Variants in GPC6 observed in about 807,000 individuals in gnomAD.
GPC6 encodes the protein glypican 6, also known as glypican-6.
Under a neutral mutation model 55.2 loss-of-function variants are expected in GPC6, and 14 were observed. That is an observed-to-expected ratio of 0.25 (90% CI 0.17 to 0.40). The LOEUF is 0.40. GPC6 is among the 10% of genes least tolerant of loss of function. GPC6 has a pLI of 1.00. For missense variants in GPC6, 641 were observed against 708.5 expected (o/e 0.90, Z 1.08); for synonymous variants, 278 against 259.6 (o/e 1.07, Z -0.68).
At chr13:94,029,506 A>C (rs990679122) in intron 4 of GPC6, among the ~76,000 whole-genome samples, 1 of 152,220 alleles carries the variant, frequency 6.6e-6, no homozygotes, top group African/African-American at 2.4e-5. Context: ...TACCCAACTA[A>C]TGCTGATAAA....
intron 2 of GPC6, among the ~76,000 whole-genome samples, chr13:93,668,587 G>T (rs9516267): frequency 0.26 from 38,957 of 151,988 alleles, 5,590 homozygotes; most frequent in East Asian, 0.47. Flanking sequence ...CTAAGAGACA[G>T]AAGAAGAGAA....
At chr13:94,293,387 A>C (rs562370839) in intron 5 of GPC6, among the ~76,000 whole-genome samples, 2 of 152,298 alleles carry the variant, frequency 1.3e-5, no homozygotes, top group East Asian at 3.9e-4. Context: ...ATGGTTACAT[A>C]AGTGTTTGAC....
At chr13:93,987,936 C>A (rs577147661) in intron 3 of GPC6, among the ~76,000 whole-genome samples, 26 of 152,096 alleles carry the variant, frequency 1.7e-4, no homozygotes, top group Non-Finnish European at 3.4e-4. Flanking sequence ...TCAACTGCCT[C>A]CTTGCCTCTT....
chr13:93,998,029 T>C (rs1566640838), intron 3 of GPC6, among the ~76,000 whole-genome samples: 1 of 152,162 alleles, frequency 6.6e-6, no homozygotes, highest in East Asian at 1.9e-4. Context: ...TCAATGACTG[T>C]GAGTAATGTG....
At chr13:94,388,232 C>T (rs771561503) in intron 7 of GPC6, among the ~76,000 whole-genome samples, 2 of 152,168 alleles carry the variant, frequency 1.3e-5, no homozygotes, top group African/African-American at 4.8e-5. Context: ...CACACACAAG[C>T]CTCAGGGAGC....
At chr13:93,682,538 G>T (rs1170664741) in intron 2 of GPC6, among the ~76,000 whole-genome samples, 3 of 152,082 alleles carry the variant, frequency 2.0e-5, no homozygotes, top group Non-Finnish European at 4.4e-5. Flanking sequence ...GCATTCCACA[G>T]CATCCTCTGC....
chr13:93,221,250 A>T, the GPC6 span, among the ~76,000 whole-genome samples: 31 of 152,328 alleles, frequency 2.0e-4, no homozygotes, highest in African/African-American at 7.2e-4. Context: ...ACGATGAGTA[A>T]ATCTTAAGAT....
intron 4 of GPC6, among the ~76,000 whole-genome samples, chr13:94,272,491 CAG>C (rs1452871823): frequency 0.02 from 1,964 of 96,498 alleles, 38 homozygotes; most frequent in African/African-American, 0.076. Context: ...TTTTTTGAAA[CAG>C]AGTCTCACTC....
intron 1 of GPC6, among the ~76,000 whole-genome samples, chr13:93,423,626 T>C (rs1298218059): frequency 6.6e-6 from 1 of 152,188 alleles, no homozygotes; most frequent in Non-Finnish European, 1.5e-5. Context: ...CTTGATCGTC[T>C]CTCTGGGAAT....
intron 4 of GPC6, among the ~76,000 whole-genome samples, chr13:94,153,757 G>T (rs1356052904): frequency 6.6e-6 from 1 of 152,178 alleles, no homozygotes; most frequent in Non-Finnish European, 1.5e-5. Context: ...TTACTTGGGA[G>T]CTTGTGAAAA....
intron 4 of GPC6, among the ~76,000 whole-genome samples, chr13:94,084,070 C>T (rs1388474422): frequency 6.6e-6 from 1 of 152,230 alleles, no homozygotes; most frequent in East Asian, 1.9e-4. Flanking sequence ...GTCCTTCCAT[C>T]TCCTGGGAAG....
At chr13:94,371,176 A>G (rs1879526050) in intron 6 of GPC6, among the ~76,000 whole-genome samples, 1 of 152,188 alleles carries the variant, frequency 6.6e-6, no homozygotes, top group African/African-American at 2.4e-5. Flanking sequence ...TGTCCCTAAG[A>G]TAATTGAGAA....
intron 2 of GPC6, among the ~76,000 whole-genome samples, chr13:93,798,918 C>CTAAAA (rs1886287386): frequency 1.2e-5 from 1 of 86,248 alleles, no homozygotes; most frequent in Non-Finnish European, 2.3e-5. Context: ...GACTCTGTCT[C>CTAAAA]AAAAAAAAAA....
intron 1 of GPC6, among the ~76,000 whole-genome samples, chr13:93,325,039 A>C (rs1437356509): frequency 3.9e-5 from 6 of 152,300 alleles, no homozygotes; most frequent in Middle Eastern, 3.4e-3. Context: ...TGAGCTATTA[A>C]AATTTTGTAG....
chr13:93,374,442 G>A (rs1874803237), intron 1 of GPC6, among the ~76,000 whole-genome samples: 1 of 152,096 alleles, frequency 6.6e-6, no homozygotes, highest in Non-Finnish European at 1.5e-5. Context: ...ATCCTCTCCT[G>A]CAACAGAGTC....
At chr13:93,281,902 G>A (rs564882416) in intron 1 of GPC6, among the ~76,000 whole-genome samples, 5 of 152,208 alleles carry the variant, frequency 3.3e-5, no homozygotes, top group East Asian at 3.9e-4. Flanking sequence ...AATTCAATAC[G>A]TAGACAAAAA....
chr13:93,726,500 C>A (rs1026309687), intron 2 of GPC6, among the ~76,000 whole-genome samples: 3 of 152,100 alleles, frequency 2.0e-5, no homozygotes, highest in African/African-American at 7.2e-5. Context: ...AATCTAAAAT[C>A]CTATTTTCCT....
chr13:93,231,700 C>T (rs566764522), intron 1 of GPC6, among the ~76,000 whole-genome samples: 91 of 151,762 alleles, frequency 6.0e-4, no homozygotes, highest in African/African-American at 2.1e-3. Context: ...GTATACTAGG[C>T]CTATTGAAAT....
At chr13:93,889,519 C>T (rs1333550767) in intron 3 of GPC6, among the ~76,000 whole-genome samples, 1 of 152,066 alleles carries the variant, frequency 6.6e-6, no homozygotes, top group Non-Finnish European at 1.5e-5. Flanking sequence ...GAAGAAAAAA[C>T]CCTTTTTAAT....
Sources: gnomAD v4.1 joint callset for allele counts (sites outside exome capture counted in the v4.1 genomes callset) on GRCh38, gnomAD v4.1.1 for gene constraint, MANE v1.5 for transcripts, NCBI Gene and HGNC (gene_info 2026-07-23, HGNC 2026-07-21) for gene names.